SGSM1: variants seen among roughly 807,000 people sequenced by gnomAD.
SGSM1 encodes the protein small G protein signaling modulator 1, also known as RUN and TBC1 domain containing 2.
SGSM1 carries 73 observed loss-of-function variants against 133.8 expected under a neutral mutation model. That is an observed-to-expected ratio of 0.55 (90% CI 0.45 to 0.66). SGSM1 has a LOEUF of 0.66. SGSM1 is among the 30% of genes least tolerant of loss of function. The pLI, the probability that SGSM1 is intolerant of heterozygous loss-of-function variation, is 0.00. For synonymous variants in SGSM1, 563 were observed against 573.0 expected (o/e 0.98, Z 0.25); for missense variants, 1,213 against 1,448.1 (o/e 0.84, Z 2.64).
chr22:24,851,122 A>G (rs1479003730), intron 5 of SGSM1, among the ~76,000 whole-genome samples: 2 of 151,810 alleles, frequency 1.3e-5, no homozygotes, highest in East Asian at 3.9e-4. Flanking sequence ...AAAAAAAAGA[A>G]AAAAAGAAAA....
intron 13 of SGSM1, among the ~76,000 whole-genome samples, chr22:24,876,954 A>G (rs758098063): frequency 3.9e-5 from 6 of 152,178 alleles, no homozygotes; most frequent in Non-Finnish European, 5.9e-5. Context: ...TTTTACAACA[A>G]AAGTTTATTT....
At chr22:24,892,054 C>T (rs73403294) in intron 16 of SGSM1, among the ~76,000 whole-genome samples, 10,810 of 151,960 alleles carry the variant, frequency 0.071, 449 homozygotes, top group African/African-American at 0.096. Context: ...AAGTGGTGCA[C>T]GGTTCAGGGG....
At chr22:24,823,849 G>T (rs1164864511) in intron 2 of SGSM1, among the ~76,000 whole-genome samples, 1 of 152,046 alleles carries the variant, frequency 6.6e-6, no homozygotes, top group Non-Finnish European at 1.5e-5. Flanking sequence ...GTTCGAGGCT[G>T]CCGTGAGCCA....
At chr22:24,893,678 T>G in intron 17 of SGSM1, 65 bp downstream of exon 17, 1 of 1,460,904 alleles carries the variant, frequency 6.8e-7, no homozygotes, top group South Asian at 1.4e-5. Flanking sequence ...TTCATTGGGC[T>G]GTTCTAAGAG....
At chr22:24,879,047 A>ATAG (rs1932179098) in intron 13 of SGSM1, among the ~76,000 whole-genome samples, 1 of 152,210 alleles carries the variant, frequency 6.6e-6, no homozygotes, top group Non-Finnish European at 1.5e-5. Context: ...GATGGCTCCC[A>ATAG]GCAGCCACTG....
At chr22:24,831,409 G>A (rs1929114003) in intron 2 of SGSM1, among the ~76,000 whole-genome samples, 1 of 152,120 alleles carries the variant, frequency 6.6e-6, no homozygotes. Flanking sequence ...GCAGTCATTG[G>A]ATGTGCACCT....
intron 12 of SGSM1, among the ~76,000 whole-genome samples, chr22:24,871,061 C>G (rs565426864): frequency 1.1e-3 from 164 of 152,328 alleles, no homozygotes; most frequent in African/African-American, 3.7e-3. Flanking sequence ...CTTAGCGTTA[C>G]TGTCATTTGG....
intron 2 of SGSM1, among the ~76,000 whole-genome samples, chr22:24,815,480 C>T (rs1159683379): frequency 5.9e-5 from 9 of 152,164 alleles, no homozygotes; most frequent in African/African-American, 1.7e-4. Context: ...CAGTGGCTCA[C>T]GCCTGTGATT....
intron 24 of SGSM1, among the ~76,000 whole-genome samples, chr22:24,920,589 C>G (rs1051065765): frequency 6.6e-5 from 10 of 152,118 alleles, no homozygotes; most frequent in African/African-American, 2.4e-4. Context: ...CACGTGGTAC[C>G]TGGCTCATAG....
At chr22:24,815,381 A>G (rs760668083) in intron 2 of SGSM1, among the ~76,000 whole-genome samples, 5 of 152,222 alleles carry the variant, frequency 3.3e-5, no homozygotes, top group Non-Finnish European at 7.3e-5. Flanking sequence ...GCTCACATCT[A>G]TCTTCCTGAC....
chr22:24,882,399 A>G (rs187122207), intron 14 of SGSM1, among the ~76,000 whole-genome samples: 1 of 152,198 alleles, frequency 6.6e-6, no homozygotes, highest in Non-Finnish European at 1.5e-5. Flanking sequence ...TGATAGATAT[A>G]TTGTGGTTGT....
chr22:24,926,267 G>A lies in SGSM1; in HGVS notation c.*1993G>A, dbSNP rs1934201219. The A allele has an allele frequency of 6.6e-6, 1 of 152,148 alleles. No individual in the cohort carries two copies. The highest frequency in any genetic ancestry group is 2.4e-5 in the African/African-American group (1 of 41,424). 9.4% of individuals were successfully genotyped at this position (152,148 alleles called of 1,614,324 possible). A position where few individuals can be genotyped will look rare whatever the true frequency, so the allele number is the denominator to read the frequency against. On this transcript the variant is annotated 3_prime_UTR_variant, in exon 25 of 25. Coordinates refer to ENST00000400358, the MANE Select transcript of SGSM1 (RefSeq NM_001098497.3). Reference sequence around the variant, plus strand: ...TGCAGGGTGGATAGAGGTCTAGCCAGCCCTTACTTCCTGAAGAGAGCTCTG... The same window carrying A: ...TGCAGGGTGGATAGAGGTCTAGCCAACCCTTACTTCCTGAAGAGAGCTCTG...
chr22:24,835,746 G>A (rs1028881131), intron 2 of SGSM1, among the ~76,000 whole-genome samples: 1 of 150,862 alleles, frequency 6.6e-6, no homozygotes, highest in African/African-American at 2.4e-5. Context: ...TGTGTGTAGA[G>A]CAGGTGTTGG....
rs570437127 is a variant in SGSM1 at position 24,861,045 on chromosome 22, G to T, written c.926+1205G>T. On this transcript the variant is annotated intron_variant, in intron 9 of 24. Transcript: ENST00000400358. The stretch of plus-strand genomic sequence containing the variant: ...AAAGACTCTTTTCAAGAAACATCAG[G>T]CCTTGGAGTGATGAAAAGTGTTCTC... 8.1e-5 allele frequency among the ~76,000 whole-genome samples: 12 copies of T among 148,186 alleles called. No individual in the cohort carries two copies. In the South Asian group the frequency reaches 1.1e-3, roughly 13 times the overall value.
At chr22:24,911,245 A>G (rs1271305734) in intron 21 of SGSM1, among the ~76,000 whole-genome samples, 1 of 151,670 alleles carries the variant, frequency 6.6e-6, no homozygotes, top group African/African-American at 2.4e-5. Flanking sequence ...TCAAAAATTA[A>G]TTAAATAAAT....
intron 8 of SGSM1, among the ~76,000 whole-genome samples, chr22:24,858,679 T>C (rs576849118): frequency 6.7e-6 from 1 of 149,596 alleles, no homozygotes; most frequent in East Asian, 2.0e-4. Flanking sequence ...TCTGGACTTG[T>C]GGGCTTCCCT....
chr22:24,850,390 A>C lies in SGSM1; in HGVS notation c.413A>C (p.Lys138Thr). ...HLWIRTALFE[K>T]VLDKIVHYLV... Reference sequence around the variant, plus strand: ...TGGATTCGCACAGCCTTGTTTGAGAAGGTCCTGGACAAAATTGTGCATTAC... The same window carrying C: ...TGGATTCGCACAGCCTTGTTTGAGACGGTCCTGGACAAAATTGTGCATTAC... The change falls in exon 5 of 25, where the codon AAG becomes ACG. Residue 138 changes from lysine (K) to threonine (T), a missense_variant. By Grantham distance (78) the Lys-to-Thr change is moderately conservative (BLOSUM62 -1). Transcript: ENST00000400358. 1 of 1,614,038 alleles carries C rather than the reference A, an allele frequency of 6.2e-7. No individual in the cohort carries two copies. The highest frequency in any genetic ancestry group is 8.5e-7 in the Non-Finnish European group (1 of 1,179,912).
At chr22:24,840,003 C>T (rs151289190) in intron 2 of SGSM1, among the ~76,000 whole-genome samples, 1,713 of 140,062 alleles carry the variant, frequency 0.012, 36 homozygotes, top group African/African-American at 0.043. Flanking sequence ...AGTGCAGTGG[C>T]GCGATCTCAG....
chr22:24,893,747 G>C, intron 17 of SGSM1, 134 bp downstream of exon 17: 1 of 1,002,026 alleles, frequency 1.0e-6, no homozygotes, highest in Non-Finnish European at 1.4e-6. Flanking sequence ...TTTTCTTTAA[G>C]AGTGTGCGGT....
Sources: allele counts gnomAD v4.1 joint callset (sites outside exome capture counted in the v4.1 genomes callset), GRCh38; gene constraint gnomAD v4.1.1; transcripts MANE v1.5; gene names NCBI Gene and HGNC (gene_info 2026-07-23, HGNC 2026-07-21).